LRCH3: variants seen among roughly 807,000 people sequenced by gnomAD.
LRCH3 encodes DISP complex protein LRCH3.
LRCH3 carries 68 observed loss-of-function variants against 104.5 expected under a neutral mutation model. That is an observed-to-expected ratio of 0.65 (90% confidence interval 0.54 to 0.80). LRCH3 has a LOEUF of 0.80. LRCH3 is among the 30% of genes least tolerant of loss of function. LRCH3 has a pLI of 0.00. For missense variants in LRCH3, 951 were observed against 953.9 expected (o/e 1.00, Z 0.04); for synonymous variants, 344 against 361.3 (o/e 0.95, Z 0.54).
At position 197,815,132 on chromosome 3, in the gene LRCH3, C is replaced by CTATA. The variant is rs1391735243; in HGVS notation, c.407+86_407+89dup. On this transcript the variant is annotated intron_variant, in intron 2 of 20. Transcript: ENST00000425562. ...TTTCCCCTTTCCCTAAAATATTTAC[C>CTATA]TATATATATGCTATCTATTCATATC... 4.9e-6 allele frequency: 4 copies of CTATA among 822,702 alleles called. No homozygotes were observed. The South Asian group carries it at 8.6e-5, about 18-fold the overall frequency. 51.0% of individuals were successfully genotyped at this position (822,702 alleles called of 1,614,324 possible).
chr3:197,870,267 C>G lies in LRCH3; in HGVS notation c.1981C>G (p.Gln661Glu), dbSNP rs745605851. ...QREEELELID[Q>E]LRKHIEYRLK... is the part of the protein sequence containing the mutation. ...AGAAGAAGAGCTGGAATTAATAGACCAACTGCGTAAAGTATGTACATTACC... is the reference window on the plus strand; with the variant it reads ...AGAAGAAGAGCTGGAATTAATAGACGAACTGCGTAAAGTATGTACATTACC... The change falls in exon 18 of 21, where the codon CAA (glutamine) becomes GAA (glutamate). Residue 661 changes from glutamine to glutamate, a missense_variant. Coordinates refer to ENST00000425562, the MANE Select transcript of LRCH3 (RefSeq NM_001365715.1). The G allele has an allele frequency of 6.2e-7, 1 of 1,612,702 alleles. No individual in the cohort carries two copies. The highest frequency in any genetic ancestry group is 8.5e-7 in the Non-Finnish European group (1 of 1,178,822).
At chr3:197,814,781 T>A (rs568297699) in intron 1 of LRCH3, 127 bp from the exon 2 acceptor site, 1 of 675,108 alleles carries the variant, frequency 1.5e-6, no homozygotes, top group Non-Finnish European at 2.3e-6. Context: ...TAAGCAGATA[T>A]GCCTTAGAAG....
At chr3:197,869,479 G>T (rs1291140716) in intron 17 of LRCH3, among the ~76,000 whole-genome samples, 1 of 150,534 alleles carries the variant, frequency 6.6e-6, no homozygotes, top group Admixed American at 6.6e-5. Context: ...GTACCTGCAG[G>T]AAGTAGAAAG....
At chr3:197,850,985 A>C (rs1739514090) in intron 12 of LRCH3, 1 of 778,292 alleles carries the variant, frequency 1.3e-6, no homozygotes, top group Non-Finnish European at 2.4e-6. Flanking sequence ...CTGCTTAGGG[A>C]AAGAGCCCAT....
chr3:197,861,920 C>T (rs1740930469), intron 15 of LRCH3, among the ~76,000 whole-genome samples: 1 of 152,160 alleles, frequency 6.6e-6, no homozygotes, highest in South Asian at 2.1e-4. Context: ...ATTTCAGAAA[C>T]CATTTTTACA....
intron 9 of LRCH3, 46 bp downstream of exon 9, chr3:197,835,868 A>G: frequency 6.3e-7 from 1 of 1,593,958 alleles, no homozygotes; most frequent in Non-Finnish European, 8.6e-7. Flanking sequence ...CCCTTCATAA[A>G]AATAATTCAT....
chr3:197,858,933 GA>G, intron 15 of LRCH3, 28 bp downstream of exon 15: 1 of 1,570,676 alleles, frequency 6.4e-7, no homozygotes, highest in African/African-American at 1.3e-5. Flanking sequence ...AATTCACCAG[GA>G]AGTTTGGGGA....
intron 9 of LRCH3, among the ~76,000 whole-genome samples, chr3:197,838,152 G>A (rs1011219692): frequency 2.6e-5 from 4 of 151,936 alleles, no homozygotes; most frequent in Admixed American, 6.6e-5. Context: ...TGGCCTGGTG[G>A]CTCCTTCCTG....
rs1714262498 is a variant in LRCH3, at chr3:197,887,127, T to TA, written c.*3461_*3462insA. On this transcript the variant is annotated 3_prime_UTR_variant, in exon 21 of 21. Transcript: ENST00000425562. ...TCTGCAGAGGTAGGAAGGTATGAAT[T>TA]TCTTTTTTATGTCAAGATGCAAAAA... 3 of 152,192 alleles carry TA rather than the reference T, an allele frequency of 2.0e-5. No individual in the cohort carries two copies. Among genetic ancestry groups the TA allele is most frequent in the African/African-American group, 7.2e-5 (3 of 41,448 alleles). 9.4% of individuals were successfully genotyped at this position (152,192 alleles called of 1,614,324 possible). A position where few individuals can be genotyped will look rare whatever the true frequency, so the allele number is the denominator to read the frequency against.
At chr3:197,819,430 T>C (rs1734234579) in intron 3 of LRCH3, among the ~76,000 whole-genome samples, 1 of 151,914 alleles carries the variant, frequency 6.6e-6, no homozygotes, top group Non-Finnish European at 1.5e-5. Context: ...GAAGTCTAGC[T>C]TCTGGCCGGG....
chr3:197,883,497 GA>G lies in LRCH3; in HGVS notation c.2209-43del. 1 of 1,518,498 alleles carries G rather than the reference GA, an allele frequency of 6.6e-7. No homozygotes were observed. The highest frequency in any genetic ancestry group is 8.8e-7 in the Non-Finnish European group (1 of 1,136,244). 94.1% of individuals were successfully genotyped at this position (1,518,498 alleles called of 1,614,324 possible). On this transcript the variant is annotated intron_variant, in intron 20 of 20. Transcript: ENST00000425562. This position sits in a 1 kb window ranked among gnomAD's most constrained non-coding sequence, Gnocchi z 4.2. ...CCTTTCAGTTCTATGATATTCATCC[GA>G]TTTTCTTTTTTGTTTGTTTTCATGT...
chr3:197,860,424 G>A (rs1484776674), intron 15 of LRCH3, among the ~76,000 whole-genome samples: 1 of 152,010 alleles, frequency 6.6e-6, no homozygotes, highest in Non-Finnish European at 1.5e-5. Flanking sequence ...GTTGCATTGA[G>A]CCAGGTACAC....
chr3:197,848,103 T>G, intron 12 of LRCH3, 82 bp downstream of exon 12: 1 of 1,414,778 alleles, frequency 7.1e-7, no homozygotes, highest in Non-Finnish European at 9.7e-7. Context: ...GTTTTTATTG[T>G]CCATTAAAAT....
rs190260291 is a variant in LRCH3 at position 197,837,451 on chromosome 3, C to T, written c.1251+1629C>T. 1.1e-3 allele frequency among the ~76,000 whole-genome samples: 174 copies of T among 152,076 alleles called. 1 individual carries two copies. The highest frequency in any genetic ancestry group is 2.6e-3 in the Admixed American group (39 of 15,274). On this transcript the variant is annotated intron_variant, in intron 9 of 20. Coordinates refer to ENST00000425562, the MANE Select transcript of LRCH3 (RefSeq NM_001365715.1). Reference sequence around the variant, plus strand: ...TATGACTTCTGTGTCATAAAGCTTTCGTAAAATTTAGCATCTGTGAAAATG... The same window carrying T: ...TATGACTTCTGTGTCATAAAGCTTTTGTAAAATTTAGCATCTGTGAAAATG...
intron 1 of LRCH3, among the ~76,000 whole-genome samples, chr3:197,795,190 G>C (rs886614851): frequency 4.6e-5 from 7 of 151,962 alleles, no homozygotes; most frequent in Non-Finnish European, 8.8e-5. Flanking sequence ...GGCAGTGGTG[G>C]ACAGCACGCA....
Position 197,865,472 on chromosome 3 carries a change from GT to G in LRCH3, c.1765+2del. 6.5e-7 allele frequency: 1 copy of G among 1,536,456 alleles called. No individual in the cohort carries two copies. The highest frequency in any genetic ancestry group is 8.8e-7 in the Non-Finnish European group (1 of 1,139,708). On this transcript the variant is annotated splice_donor_variant, in intron 16 of 20. Transcript: ENST00000425562. LOFTEE classifies it high-confidence loss of function. ...TTAAGTTCACCTGCAACAGAAACAG[GT>G]AATAGACACAAAGGTGCAATTAACC...
chr3:197,870,709 C>CCG (rs1712066933), intron 18 of LRCH3, among the ~76,000 whole-genome samples: 1 of 151,740 alleles, frequency 6.6e-6, no homozygotes, highest in East Asian at 1.9e-4. Context: ...GCGTGAGCTT[C>CCG]CGCGCCCGGC....
At chr3:197,847,551 T>C (rs13064014) in intron 11 of LRCH3, 91 bp downstream of exon 11, 1 of 1,128,036 alleles carries the variant, frequency 8.9e-7, no homozygotes, top group Non-Finnish European at 1.3e-6. Context: ...AATTGCCAGG[T>C]ATATTTAAGC....
At chr3:197,880,820 C>T in intron 20 of LRCH3, 1 of 1,510,700 alleles carries the variant, frequency 6.6e-7, no homozygotes, top group Non-Finnish European at 8.8e-7. Flanking sequence ...CCTGCTGGCC[C>T]TCAAAGAGCT....
Sources: gnomAD v4.1 joint callset for allele counts (sites outside exome capture counted in the v4.1 genomes callset) on GRCh38, gnomAD v4.1.1 for gene constraint, Gnocchi (gnomAD v3.1) non-coding constraint, MANE v1.5 for transcripts, NCBI Gene and HGNC (gene_info 2026-07-23, HGNC 2026-07-21) for gene names.